The following ABCC1 variants were observed in gnomAD, a reference collection of about 807,000 sequenced individuals.
ABCC1 encodes ATP binding cassette subfamily C member 1 (ABCC1 blood group).
In ABCC1, 83 loss-of-function variants were observed where a neutral mutation model predicts 172.9. The ratio of observed to expected loss-of-function variants is 0.48; its 90% CI spans 0.40 to 0.58. The LOEUF (loss-of-function observed/expected upper bound fraction) is 0.58. Ranked by LOEUF, ABCC1 falls within the 20% of genes least tolerant of loss-of-function variation. The pLI is 0.00. For synonymous variants in ABCC1, 937 were observed against 825.2 expected (o/e 1.14, Z -2.32); for missense variants, 1,817 against 2,002.7 (o/e 0.91, Z 1.77).
chr16:15,990,948 C>T (rs12918259), intron 1 of ABCC1, among the ~76,000 whole-genome samples: 14,243 of 151,490 alleles, frequency 0.094, 762 homozygotes, highest in Middle Eastern at 0.16. Flanking sequence ...CAGGTGTGAG[C>T]GACTGCGCCC....
At chr16:15,968,508 C>T (rs1179585067) in intron 1 of ABCC1, among the ~76,000 whole-genome samples, 1 of 151,620 alleles carries the variant, frequency 6.6e-6, no homozygotes, top group African/African-American at 2.4e-5. Context: ...TGCCGAGTAG[C>T]TAGGACTGCA....
intron 1 of ABCC1, among the ~76,000 whole-genome samples, chr16:16,004,258 G>T (rs2047434777): frequency 6.6e-6 from 1 of 151,998 alleles, no homozygotes; most frequent in African/African-American, 2.4e-5. Flanking sequence ...GGAATAATTT[G>T]GGGCTAGGAT....
intron 23 of ABCC1, among the ~76,000 whole-genome samples, chr16:16,118,780 G>A (rs373985108): frequency 5.3e-5 from 8 of 149,734 alleles, no homozygotes; most frequent in African/African-American, 1.7e-4. Context: ...TGAAAACATC[G>A]TCTTTTTAAG....
intron 7 of ABCC1, 61 bp downstream of exon 7, chr16:16,036,664 C>A (rs867595654): frequency 3.8e-6 from 6 of 1,577,492 alleles, no homozygotes; most frequent in Non-Finnish European, 4.3e-6. Context: ...ACTCCTGTGG[C>A]CTCAATCCAG....
intron 1 of ABCC1, among the ~76,000 whole-genome samples, chr16:15,979,195 G>A (rs2046561588): frequency 6.6e-6 from 1 of 152,022 alleles, no homozygotes; most frequent in South Asian, 2.1e-4. Flanking sequence ...GGAGGCTGAG[G>A]CAGGAAAATC....
intron 6 of ABCC1, among the ~76,000 whole-genome samples, chr16:16,033,971 A>G (rs113329249): frequency 1.4e-5 from 2 of 146,524 alleles, no homozygotes; most frequent in Non-Finnish European, 3.0e-5. Context: ...CGTTGTTAAC[A>G]TCTTAGTGGG....
chr16:16,010,138 G>A (rs1333273809), intron 3 of ABCC1, among the ~76,000 whole-genome samples: 1 of 136,778 alleles, frequency 7.3e-6, no homozygotes, highest in Non-Finnish European at 1.5e-5. Flanking sequence ...CAAACTTCTG[G>A]CCTCAAGCAA....
intron 26 of ABCC1, among the ~76,000 whole-genome samples, chr16:16,127,907 T>C (rs972834719): frequency 4.7e-5 from 7 of 150,162 alleles, no homozygotes; most frequent in Non-Finnish European, 1.0e-4. Flanking sequence ...TTACAAGGTA[T>C]TTCATTAGGT....
chr16:16,131,985 G>T, intron 27 of ABCC1, 50 bp downstream of exon 27: 1 of 1,588,308 alleles, frequency 6.3e-7, no homozygotes, highest in Non-Finnish European at 8.6e-7. Flanking sequence ...CGGGCACAGG[G>T]TGCCATCGGG....
At chr16:15,996,600 G>A (rs2047063981) in intron 1 of ABCC1, among the ~76,000 whole-genome samples, 1 of 152,180 alleles carries the variant, frequency 6.6e-6, no homozygotes, top group Non-Finnish European at 1.5e-5. Flanking sequence ...TCCTGGAGTT[G>A]GCTGGCTGGG....
intron 7 of ABCC1, among the ~76,000 whole-genome samples, chr16:16,039,856 G>C (rs1323992905): frequency 6.6e-6 from 1 of 152,122 alleles, no homozygotes; most frequent in African/African-American, 2.4e-5. Flanking sequence ...CCAGTGCAAA[G>C]GCTCTGAGGA....
chr16:15,960,962 A>G (rs1477188615), intron 1 of ABCC1, among the ~76,000 whole-genome samples: 2 of 151,866 alleles, frequency 1.3e-5, no homozygotes, highest in Admixed American at 6.6e-5. Context: ...GGCAGAAGCA[A>G]GAACCTTCTG....
chr16:16,079,628 C>G (rs1430618960), intron 16 of ABCC1, 150 bp downstream of exon 16: 4 of 1,055,132 alleles, frequency 3.8e-6, no homozygotes. Flanking sequence ...TTTCCACTGT[C>G]TCTTTCTCTC....
chr16:16,102,620 C>T lies in ABCC1; in HGVS notation c.2645-7C>T. 6.4e-7 allele frequency: 1 copy of T among 1,571,706 alleles called. No individual in the cohort carries two copies. Among genetic ancestry groups the T allele is most frequent in the Non-Finnish European group, 8.6e-7 (1 of 1,157,852 alleles). On this transcript the variant is annotated splice_polypyrimidine_tract_variant and splice_region_variant and intron_variant, in intron 19 of 30. Coordinates refer to ENST00000399410, the MANE Select transcript of ABCC1 (RefSeq NM_004996.4). ...CCCACTTGCCCCCTTTGTCTCTCTTCTGCCAGGGGTCACGGGCGTCAGCGG... is the reference window on the plus strand; with the variant it reads ...CCCACTTGCCCCCTTTGTCTCTCTTTTGCCAGGGGTCACGGGCGTCAGCGG...
At chr16:15,991,189 C>T (rs911876515) in intron 1 of ABCC1, among the ~76,000 whole-genome samples, 13 of 151,702 alleles carry the variant, frequency 8.6e-5, no homozygotes, top group African/African-American at 2.9e-4. Context: ...TGCCTCCTGG[C>T]GTTTAGCGTC....
chr16:16,083,194 C>T (rs939102539), intron 16 of ABCC1, among the ~76,000 whole-genome samples, 172 bp from the exon 17 acceptor site: 4 of 152,182 alleles, frequency 2.6e-5, no homozygotes, highest in African/African-American at 9.7e-5. Flanking sequence ...CTGATCCCAG[C>T]CCTGGCATCT....
intron 1 of ABCC1, among the ~76,000 whole-genome samples, chr16:16,002,840 A>G (rs1236305360): frequency 1.3e-5 from 2 of 152,074 alleles, no homozygotes; most frequent in Non-Finnish European, 2.9e-5. Flanking sequence ...AGAATGGAGT[A>G]TCGTAGTGCC....
At chr16:16,082,848 A>G (rs745360471) in intron 16 of ABCC1, among the ~76,000 whole-genome samples, 10 of 152,134 alleles carry the variant, frequency 6.6e-5, no homozygotes, top group Non-Finnish European at 1.2e-4. Context: ...GGATTTCTCT[A>G]TGTTGTCCAG....
At chr16:16,089,132 C>G (rs2047157079) in intron 18 of ABCC1, among the ~76,000 whole-genome samples, 1 of 152,158 alleles carries the variant, frequency 6.6e-6, no homozygotes, top group South Asian at 2.1e-4. Flanking sequence ...CATATGCTGA[C>G]TTCTATTAAT....
Sources: gnomAD v4.1 joint callset for allele counts (sites outside exome capture counted in the v4.1 genomes callset) on GRCh38, gnomAD v4.1.1 for gene constraint, MANE v1.5 for transcripts, NCBI Gene and HGNC (gene_info 2026-07-23, HGNC 2026-07-21) for gene names.